Variants in CACNA1A observed in about 807,000 individuals in gnomAD.
The protein encoded by CACNA1A is calcium voltage-gated channel subunit alpha1 A.
A neutral mutation model predicts 262.4 loss-of-function variants in CACNA1A; 57 were observed. The observed-to-expected ratio is 0.22, with a 90% CI of 0.18 to 0.27. CACNA1A has a LOEUF of 0.27. Ranked by LOEUF, CACNA1A falls within the 10% of genes least tolerant of loss-of-function variation. CACNA1A has a pLI of 1.00. For missense variants in CACNA1A, 2,526 were observed against 3,562.8 expected, an observed-to-expected ratio of 0.71 and a Z score of 7.41; for synonymous variants, 1,431 against 1,419.3, an observed-to-expected ratio of 1.01 and a Z score of -0.18.
chr19:13,441,967 G>T (rs565686661), intron 3 of CACNA1A, among the ~76,000 whole-genome samples: 24 of 152,160 alleles, frequency 1.6e-4, no homozygotes, highest in African/African-American at 5.1e-4. Flanking sequence ...ATGGAACAAG[G>T]TCACCTGGCC....
intron 3 of CACNA1A, among the ~76,000 whole-genome samples, chr19:13,379,372 C>G (rs1400874841): frequency 6.6e-6 from 1 of 152,072 alleles, no homozygotes; most frequent in Non-Finnish European, 1.5e-5. Flanking sequence ...TTTATGTGCA[C>G]TGGGAAACCA....
chr19:13,218,797 GCA>G (rs2055112849), intron 38 of CACNA1A, among the ~76,000 whole-genome samples: 1 of 152,114 alleles, frequency 6.6e-6, no homozygotes, highest in Non-Finnish European at 1.5e-5. Flanking sequence ...GAGTGCAATG[GCA>G]CAGTCTCAGC....
intron 3 of CACNA1A, among the ~76,000 whole-genome samples, chr19:13,374,102 A>C (rs1035172743): frequency 1.3e-5 from 2 of 152,300 alleles, no homozygotes; most frequent in East Asian, 3.9e-4. Context: ...TGGCCATGAC[A>C]GAGAGCTTGG....
intron 10 of CACNA1A, among the ~76,000 whole-genome samples, chr19:13,328,225 T>C (rs1387395890): frequency 1.3e-5 from 2 of 152,140 alleles, no homozygotes; most frequent in African/African-American, 2.4e-5. Flanking sequence ...TTTTAAACAA[T>C]GGAGGTAACG....
At chr19:13,208,117 G>A in intron 46 of CACNA1A, 64 bp from the exon 47 acceptor site, 1 of 1,125,616 alleles carries the variant, frequency 8.9e-7, no homozygotes, top group Non-Finnish European at 1.1e-6. Context: ...AGGAGACACG[G>A]GATTGGGAGG....
intron 3 of CACNA1A, among the ~76,000 whole-genome samples, chr19:13,389,541 T>C (rs2059676589): frequency 1.3e-5 from 2 of 152,154 alleles, no homozygotes; most frequent in South Asian, 2.1e-4. Context: ...CTTTCCTCTG[T>C]GCCCGCATCG....
intron 45 of CACNA1A, 127 bp downstream of exon 45, chr19:13,209,185 C>T (rs918543501): frequency 1.7e-5 from 22 of 1,315,158 alleles, no homozygotes; most frequent in Admixed American, 5.2e-5. Context: ...TGCTGCCTGG[C>T]CCCCTCTGTC....
intron 1 of CACNA1A, among the ~76,000 whole-genome samples, chr19:13,474,380 A>AT (rs1004881399): frequency 3.3e-5 from 5 of 152,334 alleles, no homozygotes; most frequent in African/African-American, 1.2e-4. Flanking sequence ...GCCGATTCCC[A>AT]TAAGACTCAA....
intron 1 of CACNA1A, among the ~76,000 whole-genome samples, chr19:13,503,988 G>C (rs1395252731): frequency 6.6e-6 from 1 of 152,026 alleles, no homozygotes; most frequent in Non-Finnish European, 1.5e-5. Flanking sequence ...GCTGGACAGA[G>C]GTAAGCTAAG....
chr19:13,224,425 T>A (rs1250771613), intron 38 of CACNA1A, among the ~76,000 whole-genome samples: 2 of 147,556 alleles, frequency 1.4e-5, no homozygotes, highest in Non-Finnish European at 3.0e-5. Flanking sequence ...AGGTCAAGGC[T>A]GCAGTGACTT....
chr19:13,371,905 C>T, intron 3 of CACNA1A, 126 bp from the exon 4 acceptor site: 1 of 710,544 alleles, frequency 1.4e-6, no homozygotes, highest in African/African-American at 1.7e-5. Flanking sequence ...TGACTCGACA[C>T]CACTGGCCTC....
At chr19:13,397,149 T>A (rs1259539326) in intron 3 of CACNA1A, among the ~76,000 whole-genome samples, 1 of 152,204 alleles carries the variant, frequency 6.6e-6, no homozygotes, top group African/African-American at 2.4e-5. Context: ...GAATGGTTCA[T>A]GAAAGCTGCC....
At chr19:13,229,819 G>C (rs2055598298) in intron 36 of CACNA1A, 1 of 356,704 alleles carries the variant, frequency 2.8e-6, no homozygotes, top group African/African-American at 2.1e-5. Context: ...TAGGAGGAGA[G>C]GGCTCTTCAG....
chr19:13,333,684 C>T (rs2058507521), intron 8 of CACNA1A: 1 of 152,386 alleles, frequency 6.6e-6, no homozygotes, highest in African/African-American at 2.4e-5. Context: ...ATCTGCCCGC[C>T]TTAGCCTCCC....
rs1568709598 is a variant in CACNA1A at position 13,497,519 on chromosome 19, AAAATATATATATATATATATATATAT to A, written c.293+8387_293+8412del. The stretch of plus-strand genomic sequence containing the variant: ...AAAAAAAAAAAAAAAAAAAAAAAAA[AAAATATATATATATATATATATATAT>A]ATATATATATATATATATATATATA... On this transcript the variant is annotated intron_variant, in intron 1 of 46. Coordinates refer to ENST00000360228, the MANE Select transcript of CACNA1A (RefSeq NM_001127222.2). Among the ~76,000 whole-genome samples, 18 of 19,302 alleles carry A rather than the reference AAAATATATATATATATATATATATAT, an allele frequency of 9.3e-4. 1 individual carries two copies. Among genetic ancestry groups the A allele is most frequent in the South Asian group, 3.0e-3 (1 of 338 alleles). 12.7% of individuals were successfully genotyped at this position (19,302 alleles called of 152,430 possible). A position where few individuals can be genotyped will look rare whatever the true frequency, so the allele number is the denominator to read the frequency against.
intron 3 of CACNA1A, among the ~76,000 whole-genome samples, chr19:13,431,294 C>A (rs1369497087): frequency 6.6e-6 from 1 of 151,328 alleles, no homozygotes; most frequent in Non-Finnish European, 1.5e-5. Flanking sequence ...GGGGCTGGAC[C>A]GGGGTGGGGC....
rs2056719032 is a variant in CACNA1A at position 13,260,894 on chromosome 19, T to A, written c.4250+556A>T. 2.0e-5 allele frequency: 3 copies of A among 152,310 alleles called. No homozygotes were observed. The South Asian group carries it at 6.2e-4, about 32-fold the overall frequency. The allele number at this position is 152,310 out of a possible 1,614,324, so 9.4% of individuals were successfully genotyped here. ...TCCAACTCCTGGCCTCAAGTGATCCTCCCACCTCAGCCTCCCAAAGTGTTG... is the reference window on the plus strand; with the variant it reads ...TCCAACTCCTGGCCTCAAGTGATCCACCCACCTCAGCCTCCCAAAGTGTTG... On this transcript the variant is annotated intron_variant, in intron 26 of 46. Coordinates refer to ENST00000360228, the MANE Select transcript of CACNA1A (RefSeq NM_001127222.2).
rs1555756445 is a variant in CACNA1A, at chr19:13,299,277, A to G, written c.2356T>C (p.Leu786=). The G allele has an allele frequency of 1.2e-6, 2 of 1,605,074 alleles. No individual in the cohort carries two copies. The highest frequency in any genetic ancestry group is 2.2e-5 in the South Asian group (2 of 91,090). ...QRTSEMRKQN[L]LASREALYNE... is the part of the protein sequence containing the mutation. ...TACAGGGCCTCCCGGCTGGCCAGCA[A>G]GTTCTGCTTTCGCATCTCACTGGTC... is the stretch of plus-strand genomic sequence containing the variant. Residue 786 remains leucine, a synonymous_variant, in exon 19 of 47, where the codon TTG becomes CTG. Transcript: ENST00000360228.
At chr19:13,444,709 G>A (rs907910209) in intron 3 of CACNA1A, among the ~76,000 whole-genome samples, 1 of 152,066 alleles carries the variant, frequency 6.6e-6, no homozygotes, top group African/African-American at 2.4e-5. Context: ...AAAAGCCAGG[G>A]TTCCTGGCTC....
Sources: allele counts gnomAD v4.1 joint callset (sites outside exome capture counted in the v4.1 genomes callset), GRCh38; gene constraint gnomAD v4.1.1; transcripts MANE v1.5; gene names NCBI Gene and HGNC (gene_info 2026-07-23, HGNC 2026-07-21).